Variants in CD53 observed in about 807,000 individuals in gnomAD.
CD53 encodes leukocyte surface antigen CD53.
CD53 carries 20 observed loss-of-function variants against 27.3 expected under a neutral mutation model. The observed-to-expected ratio is 0.73, with a 90% CI of 0.52 to 1.07. CD53 has a LOEUF of 1.07. Ranked by LOEUF, CD53 falls within the 50% of genes least tolerant of loss-of-function variation. The pLI is 0.00. For missense variants in CD53, 216 were observed against 264.0 expected (o/e 0.82, Z 1.26); for synonymous variants, 106 against 105.3 (o/e 1.01, Z -0.04).
chr1:110,883,157 G>A (rs1354827754), intron 1 of CD53, among the ~76,000 whole-genome samples: 1 of 151,924 alleles, frequency 6.6e-6, no homozygotes, highest in Non-Finnish European at 1.5e-5. Flanking sequence ...GGCATTTGGT[G>A]TTATACCATT....
At chr1:110,882,697 G>A (rs372964765) in intron 1 of CD53, among the ~76,000 whole-genome samples, 184 of 152,088 alleles carry the variant, frequency 1.2e-3, no homozygotes, top group East Asian at 9.8e-3. Flanking sequence ...GTAGATGGAC[G>A]TGGTATATCT....
At chr1:110,891,231 C>T (rs1656839629) in intron 1 of CD53, among the ~76,000 whole-genome samples, 161 bp from the exon 2 acceptor site, 1 of 152,236 alleles carries the variant, frequency 6.6e-6, no homozygotes, top group Non-Finnish European at 1.5e-5. Flanking sequence ...GTTGGTATTT[C>T]AGTTTAGAAC....
At chr1:110,885,552 AAAC>A (rs1409969118) in intron 1 of CD53, among the ~76,000 whole-genome samples, 1 of 149,832 alleles carries the variant, frequency 6.7e-6, no homozygotes, top group Admixed American at 6.7e-5. Flanking sequence ...AACAAAAAAC[AAAC>A]AACAACAACA....
intron 1 of CD53, among the ~76,000 whole-genome samples, chr1:110,878,383 G>A (rs531396864): frequency 6.6e-6 from 1 of 151,976 alleles, no homozygotes; most frequent in African/African-American, 2.4e-5. Flanking sequence ...ATAGGGAGCC[G>A]TAATTACCTT....
chr1:110,888,951 G>C (rs12562986), intron 1 of CD53, among the ~76,000 whole-genome samples: 1 of 152,122 alleles, frequency 6.6e-6, no homozygotes, highest in Non-Finnish European at 1.5e-5. Flanking sequence ...GATCAACCCA[G>C]CTGCAAATCT....
Position 110,899,328 on chromosome 1 carries a change from T to C in CD53, c.*133T>C. 1 of 628,110 alleles carries C rather than the reference T, an allele frequency of 1.6e-6. No homozygotes were observed. Among genetic ancestry groups the C allele is most frequent in the South Asian group, 1.9e-5 (1 of 52,282 alleles). 38.9% of individuals were successfully genotyped at this position (628,110 alleles called of 1,614,324 possible). A position where few individuals can be genotyped will look rare whatever the true frequency, so the allele number is the denominator to read the frequency against. On this transcript the variant is annotated 3_prime_UTR_variant, in exon 8 of 8. Transcript: ENST00000271324. Reference sequence around the variant, plus strand: ...TTTCCCTTTTTAGGTCCCTGTCTTATACAACCAGAGAAGTGGGTGTTGGCC... The same window carrying C: ...TTTCCCTTTTTAGGTCCCTGTCTTACACAACCAGAGAAGTGGGTGTTGGCC...
intron 1 of CD53, among the ~76,000 whole-genome samples, chr1:110,881,169 C>T (rs1656341307): frequency 6.6e-6 from 1 of 152,088 alleles, no homozygotes; most frequent in Admixed American, 6.5e-5. Context: ...AAACACTGAG[C>T]GTATGCATCA....
chr1:110,886,865 A>ATTT lies in CD53; in HGVS notation c.-17-4526_-17-4525insTTT, dbSNP rs1247400020. Among the ~76,000 whole-genome samples the ATTT allele has an allele frequency of 4.2e-3, 186 of 44,350 alleles. 1 individual carries two copies. Among genetic ancestry groups the ATTT allele is most frequent in the Non-Finnish European group, 6.9e-3 (140 of 20,390 alleles). 29.1% of individuals were successfully genotyped at this position (44,350 alleles called of 152,430 possible). A position where few individuals can be genotyped will look rare whatever the true frequency, so the allele number is the denominator to read the frequency against. ...GTCTCCAATATATATATATATATATATATATTTTTTTTTTCTGTCTGTGTT... is the reference window on the plus strand; with the variant it reads ...GTCTCCAATATATATATATATATATATTTTATATTTTTTTTTTCTGTCTGTGTT... On this transcript the variant is annotated intron_variant, in intron 1 of 7. Transcript: ENST00000271324.
At chr1:110,891,034 C>G (rs980882142) in intron 1 of CD53, among the ~76,000 whole-genome samples, 1 of 152,280 alleles carries the variant, frequency 6.6e-6, no homozygotes, top group Non-Finnish European at 1.5e-5. Context: ...TCCCTGACTT[C>G]AAGGGCTTAA....
intron 5 of CD53, 34 bp downstream of exon 5, chr1:110,895,089 C>A: frequency 6.7e-7 from 1 of 1,484,050 alleles, no homozygotes; most frequent in Non-Finnish European, 9.4e-7. Flanking sequence ...CAGATCAGCC[C>A]AGACTTCATT....
intron 1 of CD53, among the ~76,000 whole-genome samples, chr1:110,883,992 A>T (rs550760310): frequency 1.4e-4 from 22 of 152,088 alleles, no homozygotes; most frequent in Non-Finnish European, 2.7e-4. Flanking sequence ...TGGGGTTTTT[A>T]AAATTGTTCT....
At chr1:110,891,128 G>C (rs1051979821) in intron 1 of CD53, among the ~76,000 whole-genome samples, 10 of 152,254 alleles carry the variant, frequency 6.6e-5, no homozygotes, top group African/African-American at 2.4e-4. Context: ...CCTCTTCTAA[G>C]AATGGCTCTA....
At chr1:110,873,592 T>G (rs143981225) in intron 1 of CD53, among the ~76,000 whole-genome samples, 36 of 152,334 alleles carry the variant, frequency 2.4e-4, no homozygotes, top group Non-Finnish European at 4.1e-4. Context: ...CTATGTGCTC[T>G]GGTCTTCAGA....
chr1:110,891,278 A>G (rs1656841453), intron 1 of CD53, 114 bp from the exon 2 acceptor site: 2 of 732,100 alleles, frequency 2.7e-6, no homozygotes, highest in East Asian at 2.6e-5. Context: ...TTTCCAGAGG[A>G]GAGCCACAGC....
chr1:110,896,838 G>C, intron 6 of CD53, 105 bp downstream of exon 6: 1 of 960,056 alleles, frequency 1.0e-6, no homozygotes, highest in South Asian at 1.6e-5. Context: ...TGAGAAACAG[G>C]GGACCTTGAA....
At chr1:110,887,292 C>T (rs1656665844) in intron 1 of CD53, among the ~76,000 whole-genome samples, 1 of 152,116 alleles carries the variant, frequency 6.6e-6, no homozygotes, top group African/African-American at 2.4e-5. Flanking sequence ...TCTCGATCTC[C>T]TGACCTTGTG....
In CD53 at chr1:110,878,685, A is replaced by T. The variant is rs184820157; in HGVS notation, c.-18+5437A>T. On this transcript the variant is annotated intron_variant, in intron 1 of 7. Coordinates refer to ENST00000271324, the MANE Select transcript of CD53 (RefSeq NM_000560.4). ...TAATATATATTCTCAATCTTAGCTT[A>T]CAAAGGTGTTTCTCTACCAAACACT... 2.0e-5 allele frequency among the ~76,000 whole-genome samples: 3 copies of T among 152,320 alleles called. No individual in the cohort carries two copies. The East Asian group carries it at 5.8e-4, about 29-fold the overall frequency.
chr1:110,872,602 C>T (rs975273364), upstream of CD53, among the ~76,000 whole-genome samples: 6 of 152,214 alleles, frequency 3.9e-5, no homozygotes, highest in Admixed American at 2.0e-4. Flanking sequence ...TTAAGACAGT[C>T]TTGCTCTCGA....
At chr1:110,891,590 C>A in intron 2 of CD53, 119 bp downstream of exon 2, 2 of 745,226 alleles carry the variant, frequency 2.7e-6, no homozygotes, top group Non-Finnish European at 4.8e-6. Context: ...TCATGTCCAG[C>A]ACAACCATCC....
Sources: gnomAD v4.1 joint callset for allele counts (sites outside exome capture counted in the v4.1 genomes callset) on GRCh38, gnomAD v4.1.1 for gene constraint, MANE v1.5 for transcripts, NCBI Gene and HGNC (gene_info 2026-07-23, HGNC 2026-07-21) for gene names.